The following TBC1D22A variants were observed in gnomAD, a reference collection of about 807,000 sequenced individuals.
TBC1D22A encodes putative GTPase activator.
TBC1D22A carries 38 observed loss-of-function variants against 60.2 expected under a neutral mutation model. That is an observed-to-expected ratio of 0.63 (90% CI 0.49 to 0.83). The LOEUF (loss-of-function observed/expected upper bound fraction) is 0.83, where lower values mean the gene tolerates loss of function less well. Among genes scored for constraint, TBC1D22A ranks in the 40% least tolerant of loss-of-function variants. The probability of loss-of-function intolerance (pLI) is 0.00; values close to 1 mark genes in which losing one functional copy is unlikely to be tolerated. For synonymous variants in TBC1D22A, 302 were observed against 281.7 expected (o/e 1.07, Z -0.72); for missense variants, 628 against 701.0 (o/e 0.90, Z 1.18).
chr22:47,119,996 C>T (rs2066214470), intron 12 of TBC1D22A, among the ~76,000 whole-genome samples: 1 of 152,092 alleles, frequency 6.6e-6, no homozygotes, highest in Non-Finnish European at 1.5e-5. Context: ...TGAGGCCTGC[C>T]TTCATCAATA....
chr22:46,770,801 T>G (rs764919664), intron 1 of TBC1D22A, among the ~76,000 whole-genome samples: 4 of 152,272 alleles, frequency 2.6e-5, no homozygotes, highest in Admixed American at 2.0e-4. Flanking sequence ...TGCTTATGTT[T>G]TGAAGAGATT....
chr22:46,800,398 T>A (rs904742217), intron 4 of TBC1D22A, among the ~76,000 whole-genome samples: 1 of 152,044 alleles, frequency 6.6e-6, no homozygotes, highest in South Asian at 2.1e-4. Flanking sequence ...AGTCTTGTAG[T>A]TGACGTACCC....
chr22:46,908,014 G>T (rs778560310), intron 7 of TBC1D22A, among the ~76,000 whole-genome samples: 2 of 152,246 alleles, frequency 1.3e-5, no homozygotes, highest in African/African-American at 4.8e-5. Context: ...AGGCCAGAGA[G>T]CAGGGAGCGG....
chr22:46,768,459 TG>T (rs1253159068), intron 1 of TBC1D22A, among the ~76,000 whole-genome samples: 4 of 122,260 alleles, frequency 3.3e-5, no homozygotes, highest in Non-Finnish European at 6.3e-5. Context: ...CCCCGCAGCC[TG>T]GGCAACAGAG....
intron 8 of TBC1D22A, among the ~76,000 whole-genome samples, chr22:46,954,056 A>G (rs1187767353): frequency 6.6e-6 from 1 of 152,198 alleles, no homozygotes; most frequent in African/African-American, 2.4e-5. Flanking sequence ...CAGAAGGTCG[A>G]GGATCAGGTC....
Position 46,793,688 on chromosome 22 carries a change from C to T in TBC1D22A, c.307C>T (p.Arg103Cys), listed in dbSNP as rs539861629. The T allele has an allele frequency of 4.5e-5, 72 of 1,612,830 alleles. 1 individual carries two copies. The Admixed American group carries it at 5.5e-4, about 12-fold the overall frequency. ...CATGGAGACGGCCAACCGTGTGCTG[C>T]GTAACCACAGCCAGCGGCAGGGGCG... ...VVMETANRVL[R>C]NHSQRQGRPT... The change falls in exon 3 of 13, where the codon CGT (arginine) becomes TGT (cysteine). Residue 103 changes from arginine (R) to cysteine (C), a missense_variant. Physicochemically the swap from Arg to Cys is radical, Grantham distance 180 (BLOSUM62 -3). Transcript: ENST00000337137.
chr22:46,959,924 A>G (rs1309144710), intron 8 of TBC1D22A, among the ~76,000 whole-genome samples: 5 of 152,190 alleles, frequency 3.3e-5, no homozygotes, highest in Non-Finnish European at 5.9e-5. Context: ...CACTGCCTTC[A>G]GACACCTCTG....
At chr22:46,913,665 A>T in intron 8 of TBC1D22A, 1 of 985,370 alleles carries the variant, frequency 1.0e-6, no homozygotes, top group Non-Finnish European at 1.2e-6. Context: ...GAACAGTAGG[A>T]CCTCTGTCAG....
At chr22:47,172,286 C>T (rs757460116) in intron 12 of TBC1D22A, among the ~76,000 whole-genome samples, 1 of 152,220 alleles carries the variant, frequency 6.6e-6, no homozygotes. Flanking sequence ...GTACTGCTGG[C>T]CGTATGTGTG....
At chr22:46,788,754 A>T (rs985235133) in intron 1 of TBC1D22A, among the ~76,000 whole-genome samples, 1 of 152,230 alleles carries the variant, frequency 6.6e-6, no homozygotes, top group Admixed American at 6.5e-5. Flanking sequence ...TTTCATCTGG[A>T]TGCTGACTTT....
At chr22:47,054,843 T>A (rs16996254) in intron 11 of TBC1D22A, among the ~76,000 whole-genome samples, 61 of 152,278 alleles carry the variant, frequency 4.0e-4, no homozygotes, top group African/African-American at 1.3e-3. Flanking sequence ...TACTTCCCGT[T>A]GTTAACTTGT....
At chr22:47,153,523 G>T (rs990732537) in intron 12 of TBC1D22A, among the ~76,000 whole-genome samples, 11 of 152,014 alleles carry the variant, frequency 7.2e-5, no homozygotes, top group Non-Finnish European at 1.5e-4. Flanking sequence ...GGTCTGCCTG[G>T]GGGAGGTGGG....
rs539155445 is a variant in TBC1D22A at position 46,930,200 on chromosome 22, C to T, written c.1015+18012C>T. On this transcript the variant is annotated intron_variant, in intron 8 of 12. Transcript: ENST00000337137. ...CACTGTCTCCCCCATCAGACCACGCCGGCCTGCAGTCTGCTCCTGTGTTAC... is the reference window on the plus strand; with the variant it reads ...CACTGTCTCCCCCATCAGACCACGCTGGCCTGCAGTCTGCTCCTGTGTTAC... Among the ~76,000 whole-genome samples, 20 of 152,276 alleles carry T rather than the reference C, an allele frequency of 1.3e-4. No homozygotes were observed. The South Asian group carries it at 1.7e-3, about 13-fold the overall frequency.
At chr22:46,945,350 G>A (rs1602603147) in intron 8 of TBC1D22A, among the ~76,000 whole-genome samples, 2 of 152,204 alleles carry the variant, frequency 1.3e-5, no homozygotes, top group African/African-American at 4.8e-5. Context: ...CTGTTTGACC[G>A]TTGTGGTGGA....
intron 1 of TBC1D22A, among the ~76,000 whole-genome samples, chr22:46,768,359 C>G (rs537405322): frequency 6.6e-6 from 1 of 151,904 alleles, no homozygotes; most frequent in South Asian, 2.1e-4. Flanking sequence ...GTGGCAGGCG[C>G]CTGTAATCCC....
intron 10 of TBC1D22A, among the ~76,000 whole-genome samples, chr22:47,019,417 C>T (rs1048123800): frequency 6.6e-6 from 1 of 152,198 alleles, no homozygotes; most frequent in African/African-American, 2.4e-5. Context: ...GGAGGACAGA[C>T]GGGAGCCGTC....
In TBC1D22A at chr22:46,990,669, C is replaced by A. The variant is rs914074091; in HGVS notation, c.1126-6965C>A. Among the ~76,000 whole-genome samples, 2 of 152,112 alleles carry A rather than the reference C, an allele frequency of 1.3e-5. No individual in the cohort carries two copies. Among genetic ancestry groups the A allele is most frequent in the African/African-American group, 4.8e-5 (2 of 41,416 alleles). ...GCCTGTTCATCCCCTTCCACCCAACCCCTGGGCTTTTTACTGTCTCCATAG... is the reference window on the plus strand; with the variant it reads ...GCCTGTTCATCCCCTTCCACCCAACACCTGGGCTTTTTACTGTCTCCATAG... On this transcript the variant is annotated intron_variant, in intron 9 of 12. Coordinates refer to ENST00000337137, the MANE Select transcript of TBC1D22A (RefSeq NM_014346.5). This position sits in a 1 kb window ranked among gnomAD's most constrained non-coding sequence, Gnocchi z 4.6.
chr22:47,091,547 G>A (rs1215272598), intron 11 of TBC1D22A, among the ~76,000 whole-genome samples: 1 of 149,034 alleles, frequency 6.7e-6, no homozygotes, highest in African/African-American at 2.5e-5. Context: ...TCTTTGGGGG[G>A]GTGTGGCCTT....
chr22:47,094,589 A>G (rs1320797757), intron 11 of TBC1D22A, among the ~76,000 whole-genome samples: 1 of 152,258 alleles, frequency 6.6e-6, no homozygotes, highest in African/African-American at 2.4e-5. Context: ...CTATTTATAT[A>G]CATGTATATG....
Sources: allele counts gnomAD v4.1 joint callset (sites outside exome capture counted in the v4.1 genomes callset), GRCh38; gene constraint gnomAD v4.1.1; non-coding constraint Gnocchi (gnomAD v3.1); transcripts MANE v1.5; gene names NCBI Gene and HGNC (gene_info 2026-07-23, HGNC 2026-07-21).